TTC17: variants seen among roughly 807,000 people sequenced by gnomAD.
The protein encoded by TTC17 is tetratricopeptide repeat protein 17.
In TTC17, 58 loss-of-function variants were observed where a neutral mutation model predicts 143.8. The observed-to-expected ratio is 0.40, with a 90% CI of 0.33 to 0.50. TTC17 has a LOEUF of 0.50. Ranked by LOEUF, TTC17 falls within the 20% of genes least tolerant of loss-of-function variation. The pLI is 0.49. For missense variants in TTC17, 1,273 were observed against 1,392.5 expected (o/e 0.91, Z 1.37); for synonymous variants, 501 against 497.8 (o/e 1.01, Z -0.09).
intron 11 of TTC17, 28 bp from the exon 12 acceptor site, chr11:43,405,486 T>C: frequency 6.4e-7 from 1 of 1,557,852 alleles, no homozygotes; most frequent in Non-Finnish European, 8.8e-7. Flanking sequence ...TCCAAAGAAA[T>C]TTATGAGAAA....
At chr11:43,391,135 A>G (rs1000162472) in intron 3 of TTC17, among the ~76,000 whole-genome samples, 1 of 152,220 alleles carries the variant, frequency 6.6e-6, no homozygotes, top group African/African-American at 2.4e-5. Context: ...ACAGTGGTTT[A>G]CGCCTGTAAT....
intron 21 of TTC17, among the ~76,000 whole-genome samples, chr11:43,478,472 A>G (rs1319703630): frequency 1.3e-5 from 2 of 152,228 alleles, no homozygotes; most frequent in Non-Finnish European, 2.9e-5. Context: ...GAATTTACCC[A>G]TGAAATTGTA....
intron 21 of TTC17, among the ~76,000 whole-genome samples, chr11:43,489,054 A>G (rs1948427043): frequency 1.3e-5 from 2 of 152,186 alleles, no homozygotes; most frequent in African/African-American, 4.8e-5. Context: ...GTCATTGAAG[A>G]TCACTAAAAA....
Position 43,407,954 on chromosome 11 carries a change from A to G in TTC17, c.2064+377A>G, listed in dbSNP as rs1168839947. Among the ~76,000 whole-genome samples the G allele has an allele frequency of 2.0e-5, 3 of 152,190 alleles. No homozygotes were observed. In the East Asian group the frequency reaches 5.8e-4, roughly 29 times the overall value. On this transcript the variant is annotated intron_variant, in intron 15 of 23. Coordinates refer to ENST00000039989, the MANE Select transcript of TTC17 (RefSeq NM_018259.6). ...ACACTGTTTTACAACTTTAATTTAT[A>G]GAAATATTTATACCCTTCAAGCCAG... is the stretch of plus-strand genomic sequence containing the variant.
intron 2 of TTC17, among the ~76,000 whole-genome samples, chr11:43,387,271 C>G (rs550706485): frequency 6.6e-6 from 1 of 152,182 alleles, no homozygotes; most frequent in African/African-American, 2.4e-5. Flanking sequence ...AACAAATAGC[C>G]CGCAGAACCT....
At chr11:43,366,112 C>G (rs1163522447) in intron 1 of TTC17, among the ~76,000 whole-genome samples, 2 of 152,074 alleles carry the variant, frequency 1.3e-5, no homozygotes, top group African/African-American at 4.8e-5. Flanking sequence ...TCCCGAGTAG[C>G]TGGGACTAGT....
intron 16 of TTC17, among the ~76,000 whole-genome samples, chr11:43,429,762 A>G (rs1947112162): frequency 6.6e-6 from 1 of 152,232 alleles, no homozygotes; most frequent in African/African-American, 2.4e-5. Flanking sequence ...AGAAAATACT[A>G]TAGAAAAAGT....
At chr11:43,361,014 T>C (rs371725524) in intron 1 of TTC17, among the ~76,000 whole-genome samples, 62 of 152,242 alleles carry the variant, frequency 4.1e-4, no homozygotes, top group African/African-American at 1.3e-3. Context: ...AGAAATAAGG[T>C]TGGTGTCTGC....
chr11:43,407,453 A>G lies in TTC17; in HGVS notation c.1940A>G (p.Asn647Ser), dbSNP rs1422030354. 6.2e-7 allele frequency: 1 copy of G among 1,614,066 alleles called. No homozygotes were observed. Among genetic ancestry groups the G allele is most frequent in the Non-Finnish European group, 8.5e-7 (1 of 1,179,986 alleles). Reference sequence around the variant, plus strand: ...ATTGCCTGTCTTCAGAGGGCTTTGAATTTAGCTCCACTTCAATACCAAGAT... The same window carrying G: ...ATTGCCTGTCTTCAGAGGGCTTTGAGTTTAGCTCCACTTCAATACCAAGAT... Reference protein sequence around the residue: ...FAIACLQRALNLAPLQYQDVP... With the variant: ...FAIACLQRALSLAPLQYQDVP... The change falls in exon 15 of 24, where the codon AAT becomes AGT. Residue 647 changes from asparagine to serine, a missense_variant. By Grantham distance (46) the Asn-to-Ser change is conservative. Coordinates refer to ENST00000039989, the MANE Select transcript of TTC17 (RefSeq NM_018259.6).
intron 16 of TTC17, among the ~76,000 whole-genome samples, chr11:43,439,651 A>T (rs1384546782): frequency 6.6e-6 from 1 of 151,732 alleles, no homozygotes; most frequent in Non-Finnish European, 1.5e-5. Context: ...TGTATTTTTT[A>T]ATAGAGACAG....
chr11:43,469,653 A>G (rs548728798), intron 21 of TTC17, among the ~76,000 whole-genome samples: 4 of 152,334 alleles, frequency 2.6e-5, no homozygotes, highest in South Asian at 2.1e-4. Context: ...GGGAAATAAC[A>G]TATAGGGATA....
At chr11:43,405,094 CTTTTTTT>C (rs528720022) in intron 11 of TTC17, among the ~76,000 whole-genome samples, 5 of 132,494 alleles carry the variant, frequency 3.8e-5, no homozygotes, top group East Asian at 2.2e-4. Context: ...TCTTCTTTTT[CTTTTTTT>C]TTTTTTTTTT....
intron 20 of TTC17, among the ~76,000 whole-genome samples, chr11:43,450,944 T>C (rs1270681670): frequency 4.6e-5 from 7 of 152,192 alleles, no homozygotes; most frequent in Non-Finnish European, 1.0e-4. Context: ...TGTGTTCTAG[T>C]GTTGCTATAA....
In TTC17 at chr11:43,397,364, C is replaced by T. The variant is rs755137476; in HGVS notation, c.791C>T (p.Ala264Val). The change falls in exon 7 of 24, where the codon GCC becomes GTC. Residue 264 changes from alanine (A) to valine (V), a missense_variant. Physicochemically the swap from Ala to Val is moderately conservative, Grantham distance 64. Coordinates refer to ENST00000039989, the MANE Select transcript of TTC17 (RefSeq NM_018259.6). ...HFSSRHNKDI[A>V]LVNLANVLHR... ...TTCCTTAGGCACAATAAAGACATTGCCCTGGTCAACCTGGCAAACGTTCTA... is the reference window on the plus strand; with the variant it reads ...TTCCTTAGGCACAATAAAGACATTGTCCTGGTCAACCTGGCAAACGTTCTA... The T allele has an allele frequency of 1.2e-6, 2 of 1,610,576 alleles. No homozygotes were observed. The highest frequency in any genetic ancestry group is 2.2e-5 in the South Asian group (2 of 91,004).
chr11:43,480,557 G>A (rs1948267100), intron 21 of TTC17, among the ~76,000 whole-genome samples: 1 of 152,124 alleles, frequency 6.6e-6, no homozygotes, highest in African/African-American at 2.4e-5. Context: ...AAGAAGATTT[G>A]CTAAGCAAAT....
chr11:43,477,213 A>C (rs1477479722), intron 21 of TTC17, among the ~76,000 whole-genome samples: 1 of 152,192 alleles, frequency 6.6e-6, no homozygotes, highest in African/African-American at 2.4e-5. Flanking sequence ...CCATATTGCT[A>C]TCAGCATTTT....
At position 43,364,559 on chromosome 11, in the gene TTC17, C is replaced by A. The variant is rs538580527; in HGVS notation, c.159+5446C>A. On this transcript the variant is annotated intron_variant, in intron 1 of 23. Transcript: ENST00000039989. The stretch of plus-strand genomic sequence containing the variant: ...AGGATTTAGTTACACCTGGAGAGGT[C>A]ATGGTGGTTATTCACTAATTTGCTA... Among the ~76,000 whole-genome samples, 3 of 152,286 alleles carry A rather than the reference C, an allele frequency of 2.0e-5. No homozygotes were observed. In the South Asian group the frequency reaches 6.2e-4, roughly 32 times the overall value.
chr11:43,479,247 GAAAA>G (rs1037677084), intron 21 of TTC17, among the ~76,000 whole-genome samples: 1 of 145,806 alleles, frequency 6.9e-6, no homozygotes, highest in South Asian at 2.2e-4. Context: ...CTCAAAAAAA[GAAAA>G]AAAAAAGTTC....
intron 1 of TTC17, 48 bp downstream of exon 1, chr11:43,359,161 G>A: frequency 6.6e-7 from 1 of 1,520,354 alleles, no homozygotes; most frequent in Non-Finnish European, 8.8e-7. Context: ...CTCGCCCCGG[G>A]GGGATTACCC....
Sources: allele counts gnomAD v4.1 joint callset (sites outside exome capture counted in the v4.1 genomes callset), GRCh38; gene constraint gnomAD v4.1.1; transcripts MANE v1.5; gene names NCBI Gene and HGNC (gene_info 2026-07-23, HGNC 2026-07-21).